Variants in ANXA8 observed in about 807,000 individuals in gnomAD.
ANXA8 encodes VAC-beta.
Under a neutral mutation model 26.8 loss-of-function variants are expected in ANXA8, and 9 were observed. The ratio of observed to expected loss-of-function variants is 0.34; its 90% CI spans 0.20 to 0.59. The LOEUF is 0.59. ANXA8 is among the 20% of genes least tolerant of loss of function. The pLI is 0.84. For missense variants in ANXA8, 83 were observed against 238.5 expected (o/e 0.35, Z 4.29); for synonymous variants, 39 against 94.8 (o/e 0.41, Z 3.42).
chr10:47,775,317 G>A, the ANXA8 span, among the ~76,000 whole-genome samples: 1,908 of 147,544 alleles, frequency 0.013, 40 homozygotes, highest in African/African-American at 0.043. Context: ...AGGTTGCAGT[G>A]AGCCGAGATT....
the ANXA8 span, among the ~76,000 whole-genome samples, chr10:47,755,571 T>TC: frequency 1.4e-5 from 2 of 145,102 alleles, no homozygotes; most frequent in Non-Finnish European, 3.0e-5. Flanking sequence ...TTTTTTTTTT[T>TC]TTTTTTTGAC....
the ANXA8 span, among the ~76,000 whole-genome samples, chr10:47,974,476 G>A: frequency 6.7e-6 from 1 of 148,244 alleles, no homozygotes; most frequent in African/African-American, 2.4e-5. Flanking sequence ...AGTTCTTCTA[G>A]GTGCAAACTT....
the ANXA8 span, among the ~76,000 whole-genome samples, chr10:47,985,184 C>T: frequency 3.3e-3 from 485 of 148,894 alleles, 12 homozygotes; most frequent in Non-Finnish European, 5.4e-3. Flanking sequence ...ATTTCATGGC[C>T]GAGTCAAATC....
At chr10:47,947,589 T>G in the ANXA8 span, among the ~76,000 whole-genome samples, 1 of 150,730 alleles carries the variant, frequency 6.6e-6, no homozygotes, top group African/African-American at 2.5e-5. Context: ...CCCCTTGCTG[T>G]TCTTGTGATA....
the ANXA8 span, among the ~76,000 whole-genome samples, chr10:47,951,814 A>G: frequency 1.5e-5 from 2 of 136,182 alleles, no homozygotes; most frequent in East Asian, 2.1e-4. Flanking sequence ...CTGTCTCCAA[A>G]AAAAAAAAAA....
At chr10:47,690,059 C>G in the ANXA8 span, 1 of 1,058,092 alleles carries the variant, frequency 9.5e-7, no homozygotes, top group Non-Finnish European at 1.3e-6. Context: ...ATAACTAGCT[C>G]TAATATGCAA....
At chr10:47,952,209 G>A in the ANXA8 span, among the ~76,000 whole-genome samples, 1 of 151,750 alleles carries the variant, frequency 6.6e-6, no homozygotes, top group African/African-American at 2.4e-5. Context: ...CCTCAGGTTG[G>A]GAGTGAGGCA....
the ANXA8 span, among the ~76,000 whole-genome samples, chr10:47,510,429 A>G: frequency 2.8e-5 from 4 of 140,920 alleles, no homozygotes; most frequent in Non-Finnish European, 6.1e-5. Flanking sequence ...GAGGCTCTCA[A>G]CTTCCAGAGA....
chr10:47,969,727 T>C, the ANXA8 span, among the ~76,000 whole-genome samples: 3 of 149,778 alleles, frequency 2.0e-5, no homozygotes, highest in South Asian at 6.4e-4. Flanking sequence ...TCTTTTTTCT[T>C]TTCTAAGAGA....
chr10:47,604,891 T>C, the ANXA8 span, among the ~76,000 whole-genome samples: 2 of 150,758 alleles, frequency 1.3e-5, no homozygotes, highest in Admixed American at 6.6e-5. Flanking sequence ...ATGCAACATA[T>C]AGTGGAATAC....
intron 7 of ANXA8, 95 bp downstream of exon 7, chr10:47,474,850 C>A: frequency 6.9e-7 from 1 of 1,454,142 alleles, no homozygotes; most frequent in South Asian, 1.2e-5. Context: ...CTGGGTGGGT[C>A]CCAGCCCAGT....
At chr10:47,488,651 A>G (rs1294407264), upstream of ANXA8, among the ~76,000 whole-genome samples, 96 of 147,184 alleles carry the variant, frequency 6.5e-4, no homozygotes, top group Admixed American at 2.0e-3. Flanking sequence ...TGCTTTGTAC[A>G]TAGTACTACT....
At chr10:47,493,736 C>G in the ANXA8 span, among the ~76,000 whole-genome samples, 1 of 150,766 alleles carries the variant, frequency 6.6e-6, no homozygotes, top group African/African-American at 2.5e-5. Context: ...TGCCCTTCCC[C>G]CCACCCCCTC....
chr10:47,743,735 G>A, the ANXA8 span, among the ~76,000 whole-genome samples: 1 of 150,138 alleles, frequency 6.7e-6, no homozygotes, highest in African/African-American at 2.5e-5. Flanking sequence ...CACAGGCCGC[G>A]GATCGCGCTC....
At chr10:47,711,150 G>A in the ANXA8 span, among the ~76,000 whole-genome samples, 85 of 143,036 alleles carry the variant, frequency 5.9e-4, no homozygotes, top group Non-Finnish European at 1.2e-3. Flanking sequence ...ATAAATTACA[G>A]TTTCATATTT....
the ANXA8 span, among the ~76,000 whole-genome samples, chr10:47,982,801 CAT>C: frequency 0.04 from 511 of 12,932 alleles, 40 homozygotes; most frequent in East Asian, 0.14. Flanking sequence ...ATTTGCAAAT[CAT>C]ATATATATAT....
chr10:47,518,588 G>C, the ANXA8 span, among the ~76,000 whole-genome samples: 1 of 111,520 alleles, frequency 9.0e-6, no homozygotes, highest in Non-Finnish European at 1.8e-5. Flanking sequence ...ATTTTTTTTT[G>C]TATTTTTAGT....
the ANXA8 span, among the ~76,000 whole-genome samples, chr10:47,762,202 T>C: frequency 6.6e-6 from 1 of 151,762 alleles, no homozygotes; most frequent in African/African-American, 2.4e-5. Flanking sequence ...GGGGAGTTGG[T>C]GCGACGCGGT....
At chr10:47,693,537 G>T in the ANXA8 span, among the ~76,000 whole-genome samples, 1 of 151,638 alleles carries the variant, frequency 6.6e-6, no homozygotes, top group Non-Finnish European at 1.5e-5. Flanking sequence ...TGATCCGCCC[G>T]CCTCGGCCTC....
Sources: allele counts gnomAD v4.1 joint callset (sites outside exome capture counted in the v4.1 genomes callset), GRCh38; gene constraint gnomAD v4.1.1; transcripts MANE v1.5; gene names NCBI Gene and HGNC (gene_info 2026-07-23, HGNC 2026-07-21).